The following ASPRV1 variants were observed in gnomAD, a reference collection of about 807,000 sequenced individuals.
ASPRV1 encodes the protein aspartic peptidase retroviral like 1.
Under a neutral mutation model 11.0 loss-of-function variants are expected in ASPRV1, and 7 were observed. The ratio of observed to expected loss-of-function variants is 0.64; its 90% CI spans 0.36 to 1.20. The LOEUF is 1.20. Among genes scored for constraint, ASPRV1 ranks in the 50% most tolerant of loss-of-function variants. The pLI is 0.02. For missense variants in ASPRV1, 299 were observed against 320.0 expected (o/e 0.93, Z 0.50); for synonymous variants, 136 against 138.4 (o/e 0.98, Z 0.12).
the ASPRV1 span, chr2:70,055,624 T>C: frequency 5.9e-5 from 9 of 151,504 alleles, no homozygotes; most frequent in South Asian, 4.2e-4. Flanking sequence ...ATCAGGGCTG[T>C]TGGGGGGTGG....
chr2:70,012,892 T>G, the ASPRV1 span, among the ~76,000 whole-genome samples: 1 of 152,214 alleles, frequency 6.6e-6, no homozygotes, highest in Non-Finnish European at 1.5e-5. Flanking sequence ...GGCAAACATT[T>G]TCTCAAAAAT....
the ASPRV1 span, among the ~76,000 whole-genome samples, chr2:70,021,130 T>C: frequency 6.6e-6 from 1 of 152,132 alleles, no homozygotes; most frequent in Non-Finnish European, 1.5e-5. Flanking sequence ...GGAATATGCA[T>C]CACATAGGTA....
At chr2:69,977,599 C>A in the ASPRV1 span, among the ~76,000 whole-genome samples, 1 of 152,144 alleles carries the variant, frequency 6.6e-6, no homozygotes, top group Non-Finnish European at 1.5e-5. Context: ...TGGATAATTT[C>A]GTCTTGGGTT....
the ASPRV1 span, among the ~76,000 whole-genome samples, chr2:70,076,875 T>A: frequency 6.6e-6 from 1 of 152,182 alleles, no homozygotes; most frequent in African/African-American, 2.4e-5. Context: ...CAGGAAAATA[T>A]CAAAATTAAG....
chr2:70,072,329 G>C, the ASPRV1 span, among the ~76,000 whole-genome samples: 1 of 152,024 alleles, frequency 6.6e-6, no homozygotes, highest in Non-Finnish European at 1.5e-5. Context: ...GAGGCAGGGG[G>C]ATCACTTGAG....
chr2:69,944,184 G>A, the ASPRV1 span, among the ~76,000 whole-genome samples: 1 of 152,190 alleles, frequency 6.6e-6, no homozygotes, highest in African/African-American at 2.4e-5. Context: ...AGGATCCCTT[G>A]TTTACTGTGG....
chr2:70,068,586 G>A, the ASPRV1 span, among the ~76,000 whole-genome samples: 2 of 151,970 alleles, frequency 1.3e-5, no homozygotes, highest in Non-Finnish European at 2.9e-5. Flanking sequence ...GATGTGAATA[G>A]AAAGGAGGTA....
chr2:70,064,508 A>G, the ASPRV1 span, among the ~76,000 whole-genome samples: 1 of 152,250 alleles, frequency 6.6e-6, no homozygotes, highest in Non-Finnish European at 1.5e-5. Context: ...ATACTAAGCT[A>G]TAACTTAGAT....
chr2:70,005,434 A>T, the ASPRV1 span, among the ~76,000 whole-genome samples: 1 of 152,162 alleles, frequency 6.6e-6, no homozygotes, highest in Non-Finnish European at 1.5e-5. Flanking sequence ...TGTCTTCTTG[A>T]CACGCATGCC....
the ASPRV1 span, among the ~76,000 whole-genome samples, chr2:70,037,795 CA>C: frequency 2.4e-3 from 360 of 148,592 alleles, no homozygotes; most frequent in Non-Finnish European, 3.6e-3. Context: ...TGCCATACTT[CA>C]AAAAAAAAAT....
At chr2:69,985,377 C>T in the ASPRV1 span, among the ~76,000 whole-genome samples, 1 of 152,208 alleles carries the variant, frequency 6.6e-6, no homozygotes, top group African/African-American at 2.4e-5. Flanking sequence ...TCATGACGCA[C>T]ATTCTTCCCA....
the ASPRV1 span, chr2:70,083,701 T>A: frequency 2.0e-5 from 3 of 151,894 alleles, no homozygotes; most frequent in Admixed American, 6.6e-5. Flanking sequence ...AGGAAGGGAG[T>A]GGAGATTTTA....
chr2:69,944,874 C>T, the ASPRV1 span, among the ~76,000 whole-genome samples: 2 of 152,060 alleles, frequency 1.3e-5, no homozygotes, highest in Admixed American at 6.6e-5. Flanking sequence ...AAGGAAGACA[C>T]TCTCTCTATC....
chr2:70,065,390 C>CAAAAAAAAAA, the ASPRV1 span, among the ~76,000 whole-genome samples: 3 of 52,726 alleles, frequency 5.7e-5, no homozygotes, highest in Non-Finnish European at 7.8e-5. Context: ...GACACCATCT[C>CAAAAAAAAAA]AAAAAAAAAA....
At chr2:69,937,034 C>T in the ASPRV1 span, 1 of 717,510 alleles carries the variant, frequency 1.4e-6, no homozygotes, top group Non-Finnish European at 2.6e-6. Flanking sequence ...GTACCCCCAG[C>T]ACTGGCGATG....
chr2:69,960,631 TAGG>T lies in ASPRV1; in HGVS notation c.*23_*25del, dbSNP rs1342149428. Reference sequence around the variant, plus strand: ...AGCGGTGGGTCTTCCCACCAATATTTAGGAGGTTAAAGAAAAGGTGGCTTCTCA... The same window carrying T: ...AGCGGTGGGTCTTCCCACCAATATTTAGGTTAAAGAAAAGGTGGCTTCTCA... On this transcript the variant is annotated 3_prime_UTR_variant, in exon 1 of 1. Coordinates refer to ENST00000320256, the MANE Select transcript of ASPRV1 (RefSeq NM_152792.4). 6.3e-7 allele frequency: 1 copy of T among 1,589,644 alleles called. No homozygotes were observed. Among genetic ancestry groups the T allele is most frequent in the Admixed American group, 1.7e-5 (1 of 58,170 alleles).
the ASPRV1 span, among the ~76,000 whole-genome samples, chr2:69,980,101 C>T: frequency 6.6e-6 from 1 of 152,216 alleles, no homozygotes; most frequent in South Asian, 2.1e-4. Flanking sequence ...CAAGTCTGTA[C>T]AGGGAGCACG....
the ASPRV1 span, chr2:70,050,367 G>A: frequency 6.6e-6 from 1 of 152,030 alleles, no homozygotes; most frequent in South Asian, 2.1e-4. Flanking sequence ...ATGGATCAAA[G>A]ATTTAAATTT....
the ASPRV1 span, among the ~76,000 whole-genome samples, chr2:70,084,153 A>G: frequency 6.6e-6 from 1 of 152,232 alleles, no homozygotes; most frequent in East Asian, 1.9e-4. Flanking sequence ...CCAGGAGTAC[A>G]TAACAGGAAA....
Sources: gnomAD v4.1 joint callset for allele counts (sites outside exome capture counted in the v4.1 genomes callset) on GRCh38, gnomAD v4.1.1 for gene constraint, MANE v1.5 for transcripts, NCBI Gene and HGNC (gene_info 2026-07-23, HGNC 2026-07-21) for gene names.